The following DYNC2H1 variants were observed in gnomAD, a reference collection of about 807,000 sequenced individuals.
DYNC2H1 encodes cytoplasmic dynein 2 heavy chain 1.
DYNC2H1 carries 410 observed loss-of-function variants against 570.0 expected under a neutral mutation model. The observed-to-expected ratio is 0.72, with a 90% CI of 0.66 to 0.78. The LOEUF (loss-of-function observed/expected upper bound fraction) is 0.78, where lower values mean the gene tolerates loss of function less well. Ranked by LOEUF, DYNC2H1 falls within the 30% of genes least tolerant of loss-of-function variation. The pLI is 0.00. For synonymous variants in DYNC2H1, 1,688 were observed against 1,677.6 expected, an observed-to-expected ratio of 1.01 and a Z score of -0.15; for missense variants, 4,865 against 5,046.4, an observed-to-expected ratio of 0.96 and a Z score of 1.09.
chr11:103,462,389 C>T (rs61904816), intron 87 of DYNC2H1, among the ~76,000 whole-genome samples: 24,801 of 140,668 alleles, frequency 0.18, 2,190 homozygotes, highest in Admixed American at 0.26. Context: ...AAGGCACACA[C>T]GTGTTGTTTT....
intron 47 of DYNC2H1, among the ~76,000 whole-genome samples, chr11:103,196,731 T>C (rs685395): frequency 0.88 from 134,301 of 152,146 alleles, 59,420 homozygotes; most frequent in African/African-American, 0.93. Context: ...TAAGTAGGGT[T>C]ACATAGATGC....
intron 83 of DYNC2H1, among the ~76,000 whole-genome samples, chr11:103,382,038 T>C (rs1463545713): frequency 6.6e-6 from 1 of 152,214 alleles, no homozygotes; most frequent in African/African-American, 2.4e-5. Flanking sequence ...TCTTCTTTAG[T>C]ATTCTACATG....
chr11:103,257,412 A>G (rs117042755), intron 68 of DYNC2H1, among the ~76,000 whole-genome samples, 196 bp from the exon 69 acceptor site: 2,656 of 152,342 alleles, frequency 0.017, 31 homozygotes, highest in Middle Eastern at 0.034. Context: ...TATAAAAATG[A>G]GGAAGAAAAA....
intron 87 of DYNC2H1, among the ~76,000 whole-genome samples, chr11:103,460,579 G>T (rs1207293526): frequency 6.6e-6 from 1 of 151,506 alleles, no homozygotes; most frequent in African/African-American, 2.4e-5. Context: ...TAATGGGGCA[G>T]TCTGAGCCTT....
intron 75 of DYNC2H1, among the ~76,000 whole-genome samples, chr11:103,290,371 A>G (rs1866544389): frequency 6.6e-6 from 1 of 152,184 alleles, no homozygotes; most frequent in South Asian, 2.1e-4. Context: ...GCTTTTGCTT[A>G]CTTATGCAGG....
Position 103,455,052 on chromosome 11 carries a change from G to A in DYNC2H1, c.12457-134G>A, listed in dbSNP as rs963360580. The A allele has an allele frequency of 2.7e-5, 16 of 592,056 alleles. No individual in the cohort carries two copies. The South Asian group carries it at 3.4e-4, about 13-fold the overall frequency. 36.7% of individuals were successfully genotyped at this position (592,056 alleles called of 1,614,324 possible). Reference sequence around the variant, plus strand: ...AGACTTTACAATGTAAAATGGAAATGTTATATATATATTTTCTAGCTACCA... The same window carrying A: ...AGACTTTACAATGTAAAATGGAAATATTATATATATATTTTCTAGCTACCA... On this transcript the variant is annotated intron_variant, in intron 85 of 88. Coordinates refer to ENST00000375735, the MANE Select transcript of DYNC2H1 (RefSeq NM_001377.3).
rs373513755 is a variant in DYNC2H1, at chr11:103,204,864, C to A, written c.8354C>A (p.Ala2785Glu). ...CATATTGTCTTGATAATGGATTCTG[C>A]AAATTCAAACTTCATGATAAACTGT... is the stretch of plus-strand genomic sequence containing the variant. ...NLHIVLIMDSANSNFMINCES... is the reference protein window; with the variant it reads ...NLHIVLIMDSENSNFMINCES... Residue 2785 changes from alanine to glutamate, a missense_variant, in exon 52 of 89, where the codon GCA (alanine) becomes GAA (glutamate). Around this residue, in one of 5 missense-constraint regions of DYNC2H1, gnomAD observed 2,401 missense variants for 2,454.6 expected, o/e 0.98. Transcript: ENST00000375735. This position sits in a 1 kb window ranked among gnomAD's most constrained non-coding sequence, Gnocchi z 4.1. The A allele has an allele frequency of 1.6e-5, 25 of 1,589,136 alleles. No homozygotes were observed. Among genetic ancestry groups the A allele is most frequent in the African/African-American group, 1.3e-4 (10 of 74,288 alleles).
intron 34 of DYNC2H1, 76 bp downstream of exon 34, chr11:103,171,144 C>G: frequency 8.3e-7 from 1 of 1,200,006 alleles, no homozygotes; most frequent in Non-Finnish European, 1.1e-6. Flanking sequence ...AAGCAATATT[C>G]TCTTTTTATT....
At chr11:103,347,447 T>C (rs1022520442) in intron 82 of DYNC2H1, among the ~76,000 whole-genome samples, 1 of 152,050 alleles carries the variant, frequency 6.6e-6, no homozygotes. Context: ...TCTTTAGAGA[T>C]ACATACTGAG....
intron 82 of DYNC2H1, among the ~76,000 whole-genome samples, chr11:103,328,209 T>G (rs1222133288): frequency 6.6e-6 from 1 of 152,232 alleles, no homozygotes; most frequent in Non-Finnish European, 1.5e-5. Context: ...TGGTTAACAC[T>G]TATTTTCTTA....
Position 103,456,353 on chromosome 11 carries a change from T to C in DYNC2H1, c.12645T>C (p.Ile4215=). Reference sequence around the variant, plus strand: ...GACTGCAAGAAGCAAAGCTACAAATTAAGGTACTAGACTAATTTTAGATCT... The same window carrying C: ...GACTGCAAGAAGCAAAGCTACAAATCAAGGTACTAGACTAATTTTAGATCT... ...KGRLQEAKLQ[I]KISGLLLEGC... is the part of the protein sequence containing the mutation. Residue 4215 remains isoleucine (I), a synonymous_variant, in exon 87 of 89, where the codon ATT becomes ATC. Coordinates refer to ENST00000375735, the MANE Select transcript of DYNC2H1 (RefSeq NM_001377.3). The C allele has an allele frequency of 6.3e-7, 1 of 1,593,406 alleles. No homozygotes were observed. Among genetic ancestry groups the C allele is most frequent in the South Asian group, 1.1e-5 (1 of 87,430 alleles).
chr11:103,197,021 A>G (rs1862530313), intron 47 of DYNC2H1, among the ~76,000 whole-genome samples: 1 of 152,074 alleles, frequency 6.6e-6, no homozygotes, highest in Admixed American at 6.5e-5. Context: ...GGGAAGGAAA[A>G]AGTTCAATAG....
chr11:103,415,253 T>G (rs1943241377), intron 84 of DYNC2H1, among the ~76,000 whole-genome samples: 1 of 152,170 alleles, frequency 6.6e-6, no homozygotes, highest in East Asian at 1.9e-4. Flanking sequence ...GACATAGGCA[T>G]GGGCAAGGAC....
intron 82 of DYNC2H1, among the ~76,000 whole-genome samples, chr11:103,332,517 C>G (rs12271531): frequency 0.08 from 12,197 of 152,022 alleles, 1,040 homozygotes; most frequent in African/African-American, 0.2. Flanking sequence ...AAATACTGAC[C>G]CTAGCAGCGG....
chr11:103,116,065 T>A (rs1005979993), intron 4 of DYNC2H1, among the ~76,000 whole-genome samples: 3 of 152,188 alleles, frequency 2.0e-5, no homozygotes, highest in African/African-American at 7.2e-5. Context: ...TATATATTAA[T>A]TTTCTACTCA....
At chr11:103,453,641 T>TATATATATATATATATATATATATAC (rs1273661728) in intron 85 of DYNC2H1, among the ~76,000 whole-genome samples, 4 of 93,190 alleles carry the variant, frequency 4.3e-5, no homozygotes, top group African/African-American at 1.5e-4. Flanking sequence ...TATATATATA[T>TATATATATATATATATATATATATAC]ACACACATTC....
rs1223361243 is a variant in DYNC2H1, at chr11:103,245,321, A to G, written c.9989A>G (p.Asp3330Gly). 1 of 1,574,506 alleles carries G rather than the reference A, an allele frequency of 6.4e-7. No homozygotes were observed. The highest frequency in any genetic ancestry group is 1.8e-5 in the Admixed American group (1 of 54,324). Residue 3330 changes from aspartate to glycine, a missense_variant, in exon 65 of 89, where the codon GAT becomes GGT. By Grantham distance (94) the Asp-to-Gly change is moderately conservative. This residue lies in a region of DYNC2H1 where 2,401 missense variants were observed against 2,454.6 expected (regional missense o/e 0.98). Coordinates refer to ENST00000375735, the MANE Select transcript of DYNC2H1 (RefSeq NM_001377.3). This position sits in a 1 kb window ranked among gnomAD's most constrained non-coding sequence, Gnocchi z 4.5. ...FGKTLIIQEM[D>G]GVEPVLYPLL... ...AAAACCCTTATTATACAAGAGATGG[A>G]TGGTGTAGAACCTGTTCTTTATCCA...
In DYNC2H1 at chr11:103,177,480, G is replaced by T; in HGVS notation, c.5875-76G>T. The stretch of plus-strand genomic sequence containing the variant: ...AGGCTTAATTTACACATTAGAACAA[G>T]TGTTACAGAATAAAAGCAGAACTAA... On this transcript the variant is annotated intron_variant, in intron 37 of 88. Coordinates refer to ENST00000375735, the MANE Select transcript of DYNC2H1 (RefSeq NM_001377.3). The surrounding 1 kb of genome is among the most constrained non-coding windows in gnomAD (Gnocchi z 4.4). The T allele has an allele frequency of 6.9e-7, 1 of 1,440,208 alleles. No individual in the cohort carries two copies. Among genetic ancestry groups the T allele is most frequent in the Non-Finnish European group, 9.3e-7 (1 of 1,070,102 alleles). The allele number at this position is 1,440,208 out of a possible 1,614,324, so 89.2% of individuals were successfully genotyped here.
At position 103,379,198 on chromosome 11, in the gene DYNC2H1, A is replaced by T. The variant is rs1434461467; in HGVS notation, c.12157-20465A>T. On this transcript the variant is annotated intron_variant, in intron 83 of 88. Coordinates refer to ENST00000375735, the MANE Select transcript of DYNC2H1 (RefSeq NM_001377.3). ...CTCCCTAGTCTGGTTTGCCCCAGCCATGGCAGTTACCATGTTCTCTCCTCC... is the reference window on the plus strand; with the variant it reads ...CTCCCTAGTCTGGTTTGCCCCAGCCTTGGCAGTTACCATGTTCTCTCCTCC... Among the ~76,000 whole-genome samples the T allele has an allele frequency of 3.3e-5, 5 of 152,200 alleles. No homozygotes were observed. The East Asian group carries it at 9.6e-4, about 29-fold the overall frequency.
Sources: gnomAD v4.1 joint callset for allele counts (sites outside exome capture counted in the v4.1 genomes callset) on GRCh38, gnomAD v4.1.1 for gene constraint, gnomAD v4.1.1 regional missense constraint, Gnocchi (gnomAD v3.1) non-coding constraint, MANE v1.5 for transcripts, NCBI Gene and HGNC (gene_info 2026-07-23, HGNC 2026-07-21) for gene names.